The following MAN2A1 variants were observed in gnomAD, a reference collection of about 807,000 sequenced individuals.
The protein encoded by MAN2A1 is alpha-mannosidase 2.
A neutral mutation model predicts 142.6 loss-of-function variants in MAN2A1; 76 were observed. That is an observed-to-expected ratio of 0.53 (90% CI 0.44 to 0.65). MAN2A1 has a LOEUF of 0.65. Ranked by LOEUF, MAN2A1 falls within the 30% of genes least tolerant of loss-of-function variation. The pLI is 0.00. For missense variants in MAN2A1, 1,311 were observed against 1,365.1 expected (o/e 0.96, Z 0.62); for synonymous variants, 559 against 473.2 (o/e 1.18, Z -2.35).
intron 2 of MAN2A1, among the ~76,000 whole-genome samples, chr5:109,715,904 ATTAT>A (rs1265099760): frequency 2.0e-5 from 3 of 151,998 alleles, no homozygotes; most frequent in Non-Finnish European, 4.4e-5. Context: ...GATGGGAGGG[ATTAT>A]TTGTCAGGGT....
chr5:109,861,053 T>C (rs1755742928), intron 20 of MAN2A1, among the ~76,000 whole-genome samples: 1 of 152,188 alleles, frequency 6.6e-6, no homozygotes. Flanking sequence ...TGTTAAAAGC[T>C]TAAACTTTGG....
At chr5:109,825,617 T>G (rs572821832) in intron 16 of MAN2A1, among the ~76,000 whole-genome samples, 1 of 152,190 alleles carries the variant, frequency 6.6e-6, no homozygotes, top group African/African-American at 2.4e-5. Context: ...AGTGCTTGAC[T>G]TGGAAATTAA....
intron 12 of MAN2A1, among the ~76,000 whole-genome samples, chr5:109,803,955 A>G (rs1210901433): frequency 6.6e-6 from 1 of 152,118 alleles, no homozygotes; most frequent in African/African-American, 2.4e-5. Flanking sequence ...TCAGTAGCTT[A>G]TTGTTTTCAG....
intron 19 of MAN2A1, among the ~76,000 whole-genome samples, 161 bp downstream of exon 19, chr5:109,847,951 T>G (rs1755384072): frequency 6.6e-6 from 1 of 152,196 alleles, no homozygotes; most frequent in African/African-American, 2.4e-5. Flanking sequence ...ACTTCAGTTA[T>G]AAATATCGTG....
intron 4 of MAN2A1, among the ~76,000 whole-genome samples, chr5:109,736,233 C>G (rs1021071255): frequency 2.0e-5 from 3 of 152,142 alleles, no homozygotes; most frequent in African/African-American, 7.2e-5. Context: ...CTAAACAGAT[C>G]ACATCAGCAT....
chr5:109,709,337 G>A (rs910667517), intron 1 of MAN2A1, among the ~76,000 whole-genome samples: 23 of 152,178 alleles, frequency 1.5e-4, no homozygotes, highest in African/African-American at 5.6e-4. Flanking sequence ...TTTAGAAGTG[G>A]AACTTGATTG....
Position 109,817,373 on chromosome 5 carries a change from C to T in MAN2A1, c.2044C>T (p.Pro682Ser), listed in dbSNP as rs1193200008. The T allele has an allele frequency of 1.9e-6, 3 of 1,614,044 alleles. No homozygotes were observed. Among genetic ancestry groups the T allele is most frequent in the Non-Finnish European group, 2.5e-6 (3 of 1,179,980 alleles). Residue 682 changes from proline to serine, a missense_variant, in exon 13 of 22, where the codon CCT (proline) becomes TCT (serine). By Grantham distance (74) the Pro-to-Ser change is moderately conservative (BLOSUM62 -1). Around this residue, in one of 3 missense-constraint regions of MAN2A1, gnomAD observed 890 missense variants for 920.5 expected, o/e 0.97. Coordinates refer to ENST00000261483, the MANE Select transcript of MAN2A1 (RefSeq NM_002372.4). ...GCAAGTGTTCTCTGCTTCAGGAAAA[C>T]CTGTGGAAGTTCAAGTCAGCGCAGT... is the stretch of plus-strand genomic sequence containing the variant. ...TVQVFSASGK[P>S]VEVQVSAVWD...
intron 1 of MAN2A1, among the ~76,000 whole-genome samples, chr5:109,696,576 G>C (rs1210356000): frequency 6.6e-6 from 1 of 152,194 alleles, no homozygotes; most frequent in Non-Finnish European, 1.5e-5. Flanking sequence ...GTTAAGGGCT[G>C]TCCTGTGCGT....
At chr5:109,787,639 C>G (rs998990239) in intron 10 of MAN2A1, among the ~76,000 whole-genome samples, 15 of 151,914 alleles carry the variant, frequency 9.9e-5, no homozygotes, top group Admixed American at 2.6e-4. Flanking sequence ...GACATTGATC[C>G]TGGCTTTCAC....
Position 109,866,831 on chromosome 5 carries a change from T to C in MAN2A1, c.3283-15T>C. 1 of 1,550,884 alleles carries C rather than the reference T, an allele frequency of 6.4e-7. No individual in the cohort carries two copies. Among genetic ancestry groups the C allele is most frequent in the Non-Finnish European group, 8.9e-7 (1 of 1,128,420 alleles). ...AGTTGATCTAAATATGTAAATTTTA[T>C]CATTTACTTTTCAGATATTGGTACA... On this transcript the variant is annotated splice_polypyrimidine_tract_variant and intron_variant, in intron 21 of 21. Coordinates refer to ENST00000261483, the MANE Select transcript of MAN2A1 (RefSeq NM_002372.4).
chr5:109,841,507 G>C (rs963933070), intron 16 of MAN2A1, among the ~76,000 whole-genome samples: 1 of 152,134 alleles, frequency 6.6e-6, no homozygotes, highest in Non-Finnish European at 1.5e-5. Flanking sequence ...CCCTTGATCT[G>C]TATTAAGTGT....
At chr5:109,733,037 A>C (rs376231180) in intron 4 of MAN2A1, among the ~76,000 whole-genome samples, 61 of 152,082 alleles carry the variant, frequency 4.0e-4, no homozygotes, top group East Asian at 9.7e-4. Flanking sequence ...CTTTTATTTC[A>C]TTGAGCAGTG....
intron 8 of MAN2A1, among the ~76,000 whole-genome samples, chr5:109,777,324 T>C (rs1302921965): frequency 6.6e-6 from 1 of 152,100 alleles, no homozygotes; most frequent in Non-Finnish European, 1.5e-5. Context: ...GTTAATGAGG[T>C]TGAGTCTCTT....
chr5:109,795,344 C>A (rs1029824274), intron 12 of MAN2A1, among the ~76,000 whole-genome samples: 1 of 152,126 alleles, frequency 6.6e-6, no homozygotes, highest in Non-Finnish European at 1.5e-5. Context: ...TAATTCCTGA[C>A]ATACTGTTTC....
At chr5:109,708,152 G>A (rs1016579650) in intron 1 of MAN2A1, among the ~76,000 whole-genome samples, 1 of 152,124 alleles carries the variant, frequency 6.6e-6, no homozygotes, top group Non-Finnish European at 1.5e-5. Context: ...CAGTTGGCAG[G>A]AGGAAAACCT....
At chr5:109,847,602 T>C in intron 18 of MAN2A1, 55 bp from the exon 19 acceptor site, 1 of 1,384,478 alleles carries the variant, frequency 7.2e-7, no homozygotes, top group Non-Finnish European at 9.5e-7. Flanking sequence ...GCTCAATGAA[T>C]GTCAGTATTA....
At chr5:109,713,796 A>G (rs746861080) in intron 2 of MAN2A1, 22 bp downstream of exon 2, 4 of 1,570,588 alleles carry the variant, frequency 2.5e-6, no homozygotes, top group Middle Eastern at 1.7e-4. Flanking sequence ...ATTCGTTAAT[A>G]ATCACTGGCC....
chr5:109,778,084 A>AC (rs1309702955), intron 8 of MAN2A1, among the ~76,000 whole-genome samples: 1 of 47,346 alleles, frequency 2.1e-5, no homozygotes, highest in Non-Finnish European at 4.3e-5. Context: ...AATTTCTACC[A>AC]AAAAAAAAAA....
At chr5:109,792,621 A>G (rs1753763588) in intron 12 of MAN2A1, among the ~76,000 whole-genome samples, 2 of 152,138 alleles carry the variant, frequency 1.3e-5, no homozygotes, top group African/African-American at 4.8e-5. Flanking sequence ...CTTAAATACA[A>G]TTTATTATAT....
Sources: allele counts gnomAD v4.1 joint callset (sites outside exome capture counted in the v4.1 genomes callset), GRCh38; gene constraint gnomAD v4.1.1; regional missense constraint gnomAD v4.1.1; transcripts MANE v1.5; gene names NCBI Gene and HGNC (gene_info 2026-07-23, HGNC 2026-07-21).